Variants in SRRM1 observed in about 807,000 individuals in gnomAD.
The protein encoded by SRRM1 is serine/arginine repetitive matrix protein 1.
A neutral mutation model predicts 110.2 loss-of-function variants in SRRM1; 19 were observed. The ratio of observed to expected loss-of-function variants is 0.17; its 90% CI spans 0.12 to 0.25. SRRM1 has a LOEUF of 0.25. SRRM1 is among the 10% of genes least tolerant of loss of function. SRRM1 has a pLI of 1.00. For synonymous variants in SRRM1, 443 were observed against 414.9 expected (o/e 1.07, Z -0.82); for missense variants, 918 against 1,145.8 (o/e 0.80, Z 2.87).
chr1:24,644,003 G>C (rs982243076), intron 1 of SRRM1, among the ~76,000 whole-genome samples: 8 of 152,166 alleles, frequency 5.3e-5, no homozygotes, highest in African/African-American at 1.7e-4. Flanking sequence ...TGTGAGGGTA[G>C]AGGGTGCAAC....
At chr1:24,660,539 CTT>C (rs1308543405) in intron 9 of SRRM1, among the ~76,000 whole-genome samples, 178 bp from the exon 10 acceptor site, 1 of 152,282 alleles carries the variant, frequency 6.6e-6, no homozygotes, top group Admixed American at 6.5e-5. Context: ...AATCCCAACA[CTT>C]TGGGAGGCTC....
intron 12 of SRRM1, among the ~76,000 whole-genome samples, chr1:24,665,519 C>T (rs959529283): frequency 6.6e-5 from 10 of 151,950 alleles, no homozygotes; most frequent in Non-Finnish European, 1.2e-4. Flanking sequence ...AAAGACCATC[C>T]TGGCTAACAC....
intron 11 of SRRM1, 63 bp from the exon 12 acceptor site, chr1:24,662,597 A>G (rs1028036504): frequency 1.3e-6 from 2 of 1,568,216 alleles, no homozygotes; most frequent in African/African-American, 2.8e-5. Flanking sequence ...CCTAGATTTC[A>G]GAAAACTTGG....
chr1:24,654,835 A>T lies in SRRM1; in HGVS notation c.1041-20A>T. ...CTTTATAAGTGTGCAATTAGTGAAT[A>T]TGAATACTTTATTCCACAGAAGAAG... On this transcript the variant is annotated intron_variant, in intron 8 of 16. Coordinates refer to ENST00000323848, the MANE Select transcript of SRRM1 (RefSeq NM_005839.4). The T allele has an allele frequency of 6.2e-7, 1 of 1,613,518 alleles. No homozygotes were observed.
rs960228323 is a variant in SRRM1 at position 24,662,968 on chromosome 1, T to C, written c.1628+164T>C. ...CTGTTTTGTTTTGTTTTTGCTTTAT[T>C]GGTGGTTATTAATAATTAATTTAGA... On this transcript the variant is annotated intron_variant, in intron 12 of 16. Coordinates refer to ENST00000323848, the MANE Select transcript of SRRM1 (RefSeq NM_005839.4). The C allele has an allele frequency of 2.9e-6, 3 of 1,038,372 alleles. No individual in the cohort carries two copies. In the Admixed American group the frequency reaches 8.7e-5, roughly 30 times the overall value. 64.3% of individuals were successfully genotyped at this position (1,038,372 alleles called of 1,614,324 possible).
intron 13 of SRRM1, 39 bp from the exon 14 acceptor site, chr1:24,669,084 T>C: frequency 6.4e-7 from 1 of 1,555,604 alleles, no homozygotes; most frequent in Non-Finnish European, 8.8e-7. Context: ...TTCTGTATTT[T>C]GTTGAGCCTT....
intron 1 of SRRM1, 146 bp downstream of exon 1, chr1:24,643,493 C>CG (rs1308182705): frequency 3.5e-6 from 2 of 579,044 alleles, no homozygotes; most frequent in Non-Finnish European, 5.1e-6. Context: ...CCCCCCCCCC[C>CG]CCCGTGCGCT....
At chr1:24,663,739 T>C (rs1668408762) in intron 12 of SRRM1, among the ~76,000 whole-genome samples, 1 of 151,322 alleles carries the variant, frequency 6.6e-6, no homozygotes, top group Admixed American at 6.6e-5. Context: ...TAGCTGGGAG[T>C]GTTGGCGCGT....
At chr1:24,672,054 C>T (rs1323487401) in intron 16 of SRRM1, 128 bp from the exon 17 acceptor site, 1 of 663,324 alleles carries the variant, frequency 1.5e-6, no homozygotes, top group Non-Finnish European at 2.6e-6. Flanking sequence ...TATATCCCTC[C>T]CTGCTCCCCC....
intron 1 of SRRM1, among the ~76,000 whole-genome samples, chr1:24,645,097 A>G (rs149591062): frequency 1.0e-3 from 153 of 152,340 alleles, no homozygotes; most frequent in African/African-American, 3.4e-3. Flanking sequence ...TCCACATGCC[A>G]GATACTTTAC....
intron 12 of SRRM1, among the ~76,000 whole-genome samples, chr1:24,665,568 C>G (rs910375626): frequency 6.6e-6 from 1 of 152,240 alleles, no homozygotes; most frequent in East Asian, 1.9e-4. Context: ...AAAAAATTAG[C>G]TGGGTGTGGT....
chr1:24,671,303 T>G, intron 15 of SRRM1, 83 bp from the exon 16 acceptor site: 3 of 1,352,110 alleles, frequency 2.2e-6, no homozygotes, highest in Non-Finnish European at 3.1e-6. Flanking sequence ...CCATTGGGGA[T>G]TTGAGGAAAT....
At position 24,649,988 on chromosome 1, in the gene SRRM1, G is replaced by A; in HGVS notation, c.423G>A (p.Leu141=). The change falls in exon 5 of 17, where the codon CTG becomes CTA. Residue 141 remains leucine, a synonymous_variant. Transcript: ENST00000323848. ...CTTTGCAGATTGAACAAGAAAAACT[G>A]GCATCTATGAAAAAGCAAGATGAAG... The part of the protein sequence containing the change: ...IKQRQIEQEK[L]ASMKKQDEDK... The A allele has an allele frequency of 6.3e-7, 1 of 1,584,478 alleles. No homozygotes were observed. Among genetic ancestry groups the A allele is most frequent in the South Asian group, 1.2e-5 (1 of 84,946 alleles).
rs568551500 is a variant in SRRM1 at position 24,660,266 on chromosome 1, G to C, written c.1316-453G>C. On this transcript the variant is annotated intron_variant, in intron 9 of 16. Transcript: ENST00000323848. ...CACAGAGGTTTACTTTACTGAGCTTGTTCTACTCAGTAGCAGCTCCCAATT... is the reference window on the plus strand; with the variant it reads ...CACAGAGGTTTACTTTACTGAGCTTCTTCTACTCAGTAGCAGCTCCCAATT... Among the ~76,000 whole-genome samples, 5 of 152,268 alleles carry C rather than the reference G, an allele frequency of 3.3e-5. No individual in the cohort carries two copies. The East Asian group carries it at 9.7e-4, about 29-fold the overall frequency.
Position 24,673,038 on chromosome 1 carries a change from A to G in SRRM1, c.*752A>G, listed in dbSNP as rs974485513. 2 of 152,092 alleles carry G rather than the reference A, an allele frequency of 1.3e-5. No homozygotes were observed. The highest frequency in any genetic ancestry group is 2.4e-5 in the African/African-American group (1 of 41,380). 9.4% of individuals were successfully genotyped at this position (152,092 alleles called of 1,614,324 possible). A position where few individuals can be genotyped will look rare whatever the true frequency, so the allele number is the denominator to read the frequency against. On this transcript the variant is annotated 3_prime_UTR_variant, in exon 17 of 17. Coordinates refer to ENST00000323848, the MANE Select transcript of SRRM1 (RefSeq NM_005839.4). ...AGAAAGGATCCTTCAGTTACATACA[A>G]TTTGTTTAATGAAATGTCATGGCTC...
At chr1:24,655,198 C>G in intron 9 of SRRM1, 69 bp downstream of exon 9, 1 of 1,512,326 alleles carries the variant, frequency 6.6e-7, no homozygotes, top group Non-Finnish European at 9.1e-7. Flanking sequence ...AGTTATTGCC[C>G]CCTGCTCACT....
At chr1:24,659,941 T>G (rs1412206264) in intron 9 of SRRM1, among the ~76,000 whole-genome samples, 1 of 152,232 alleles carries the variant, frequency 6.6e-6, no homozygotes, top group African/African-American at 2.4e-5. Context: ...ATTTTTACTA[T>G]TTGTGGCGGT....
intron 9 of SRRM1, among the ~76,000 whole-genome samples, chr1:24,660,438 T>A (rs987120033): frequency 1.3e-5 from 2 of 152,216 alleles, no homozygotes; most frequent in Non-Finnish European, 2.9e-5. Flanking sequence ...AGGAATTTTT[T>A]AAGTCTTCAT....
At chr1:24,652,657 A>G (rs1184211721) in intron 7 of SRRM1, 29 bp downstream of exon 7, 3 of 1,569,062 alleles carry the variant, frequency 1.9e-6, no homozygotes, top group Non-Finnish European at 2.6e-6. Flanking sequence ...ATCAACAAAG[A>G]TCTTAGGTTT....
Sources: allele counts gnomAD v4.1 joint callset (sites outside exome capture counted in the v4.1 genomes callset), GRCh38; gene constraint gnomAD v4.1.1; transcripts MANE v1.5; gene names NCBI Gene and HGNC (gene_info 2026-07-23, HGNC 2026-07-21).